PPP3CA: variants seen among roughly 807,000 people sequenced by gnomAD.
PPP3CA encodes the protein CAM-PRP catalytic subunit.
PPP3CA carries 14 observed loss-of-function variants against 66.5 expected under a neutral mutation model. The ratio of observed to expected loss-of-function variants is 0.21; its 90% CI spans 0.14 to 0.33. The LOEUF is 0.33. Ranked by LOEUF, PPP3CA falls within the 10% of genes least tolerant of loss-of-function variation. The pLI, the probability that PPP3CA is intolerant of heterozygous loss-of-function variation, is 1.00. For missense variants in PPP3CA, 317 were observed against 639.5 expected (o/e 0.50, Z 5.44); for synonymous variants, 232 against 226.2 (o/e 1.03, Z -0.23).
At chr4:101,106,377 G>GA (rs781026862) in intron 3 of PPP3CA, among the ~76,000 whole-genome samples, 15 of 2,210 alleles carry the variant, frequency 6.8e-3, no homozygotes, top group South Asian at 0.019. Context: ...AGAGAGAAAA[G>GA]AAAGAAAGAA....
chr4:101,233,114 TA>T (rs1182769450), intron 1 of PPP3CA, among the ~76,000 whole-genome samples: 1 of 151,758 alleles, frequency 6.6e-6, no homozygotes, highest in Admixed American at 6.6e-5. Context: ...ACCTAAAGTA[TA>T]AAACAAATTA....
At chr4:101,320,794 G>A (rs1016251931) in intron 1 of PPP3CA, among the ~76,000 whole-genome samples, 4 of 152,050 alleles carry the variant, frequency 2.6e-5, no homozygotes, top group Admixed American at 1.3e-4. Flanking sequence ...CATATGATCC[G>A]TTCAGAATCT....
chr4:101,297,147 G>A (rs1009657754), intron 1 of PPP3CA, among the ~76,000 whole-genome samples: 1 of 151,998 alleles, frequency 6.6e-6, no homozygotes, highest in South Asian at 2.1e-4. Context: ...ATTTATAATC[G>A]TCTTTTCTTT....
At chr4:101,156,949 A>G (rs1316186015) in intron 2 of PPP3CA, among the ~76,000 whole-genome samples, 3 of 152,200 alleles carry the variant, frequency 2.0e-5, no homozygotes, top group Admixed American at 2.0e-4. Context: ...AGAGAAAGAG[A>G]CAAACTACAG....
intron 8 of PPP3CA, among the ~76,000 whole-genome samples, chr4:101,069,225 T>G (rs975038652): frequency 3.3e-5 from 5 of 152,114 alleles, no homozygotes; most frequent in African/African-American, 9.7e-5. Flanking sequence ...TCAGCCAATC[T>G]GAAATATTTT....
At chr4:101,031,330 A>ATGT (rs1235893128) in intron 12 of PPP3CA, among the ~76,000 whole-genome samples, 1 of 152,200 alleles carries the variant, frequency 6.6e-6, no homozygotes, top group African/African-American at 2.4e-5. Context: ...GTTTTGAAAA[A>ATGT]TGTTATAGCA....
intron 2 of PPP3CA, among the ~76,000 whole-genome samples, chr4:101,139,347 C>CA (rs56658441): frequency 0.013 from 1,274 of 96,474 alleles, 25 homozygotes; most frequent in African/African-American, 0.029. Context: ...GACTCCGTCT[C>CA]AAAAAAAAAA....
At chr4:101,048,989 A>C (rs1727895415) in intron 10 of PPP3CA, among the ~76,000 whole-genome samples, 1 of 152,152 alleles carries the variant, frequency 6.6e-6, no homozygotes, top group African/African-American at 2.4e-5. Context: ...AAGGAAGGCC[A>C]GAAGAGCCTA....
intron 3 of PPP3CA, among the ~76,000 whole-genome samples, chr4:101,102,573 A>G (rs961206549): frequency 8.5e-5 from 13 of 152,140 alleles, no homozygotes; most frequent in Admixed American, 5.9e-4. Context: ...TTCTCCCTCA[A>G]CATCTGGTGG....
chr4:101,253,176 T>C (rs1340910191), intron 1 of PPP3CA, among the ~76,000 whole-genome samples: 4 of 152,220 alleles, frequency 2.6e-5, no homozygotes, highest in Non-Finnish European at 4.4e-5. Context: ...GTTTATTTAA[T>C]GAAGTTATTC....
At chr4:101,212,101 T>C (rs1725315873) in intron 1 of PPP3CA, among the ~76,000 whole-genome samples, 1 of 152,192 alleles carries the variant, frequency 6.6e-6, no homozygotes, top group African/African-American at 2.4e-5. Context: ...TAATTATTTG[T>C]CATTATTCTA....
chr4:101,079,280 G>C (rs1419808086), intron 8 of PPP3CA, among the ~76,000 whole-genome samples: 1 of 152,136 alleles, frequency 6.6e-6, no homozygotes, highest in Non-Finnish European at 1.5e-5. Flanking sequence ...GGAGTTTTCA[G>C]ACTGGTGCAG....
In PPP3CA at chr4:101,251,978, G is replaced by A. The variant is rs142887782; in HGVS notation, c.59-55862C>T. 4.4e-3 allele frequency among the ~76,000 whole-genome samples: 675 copies of A among 152,244 alleles called. 4 individuals carry two copies. The highest frequency in any genetic ancestry group is 0.015 in the African/African-American group (639 of 41,548). On this transcript the variant is annotated intron_variant, in intron 1 of 13. Coordinates refer to ENST00000394854, the MANE Select transcript of PPP3CA (RefSeq NM_000944.5). ...TTTAAACTGAGGACCAGATCCCCCT[G>A]CAAGAGAGGATTTGTTTCAGAAAGG... is the stretch of plus-strand genomic sequence containing the variant.
intron 10 of PPP3CA, among the ~76,000 whole-genome samples, chr4:101,042,072 T>C (rs1326772963): frequency 6.6e-6 from 1 of 152,118 alleles, no homozygotes; most frequent in Non-Finnish European, 1.5e-5. Context: ...CCATTTCTAA[T>C]CTATTTGATT....
intron 1 of PPP3CA, among the ~76,000 whole-genome samples, chr4:101,330,699 A>T (rs996691159): frequency 6.6e-6 from 1 of 152,140 alleles, no homozygotes; most frequent in Non-Finnish European, 1.5e-5. Context: ...GCCTGTATAA[A>T]GCCACAATAT....
At chr4:101,328,832 C>T (rs1036705813) in intron 1 of PPP3CA, among the ~76,000 whole-genome samples, 3 of 151,984 alleles carry the variant, frequency 2.0e-5, no homozygotes, top group Admixed American at 6.6e-5. Flanking sequence ...TTTAAAGCAC[C>T]TCATGTCACA....
At chr4:101,080,837 AT>A (rs995703841) in intron 7 of PPP3CA, among the ~76,000 whole-genome samples, 4 of 152,158 alleles carry the variant, frequency 2.6e-5, no homozygotes, top group Non-Finnish European at 2.9e-5. Context: ...ATACATTCAT[AT>A]GTAAAATTTC....
At chr4:101,075,852 G>T (rs1012996123) in intron 8 of PPP3CA, among the ~76,000 whole-genome samples, 2 of 152,002 alleles carry the variant, frequency 1.3e-5, no homozygotes, top group African/African-American at 4.8e-5. Flanking sequence ...AATCATTGGT[G>T]GAATTATTTA....
At chr4:101,295,430 A>C (rs1728173484) in intron 1 of PPP3CA, among the ~76,000 whole-genome samples, 1 of 152,160 alleles carries the variant, frequency 6.6e-6, no homozygotes, top group Admixed American at 6.5e-5. Flanking sequence ...TATTTTGTAC[A>C]TAAAGCTTAC....
Sources: allele counts gnomAD v4.1 joint callset (sites outside exome capture counted in the v4.1 genomes callset), GRCh38; gene constraint gnomAD v4.1.1; transcripts MANE v1.5; gene names NCBI Gene and HGNC (gene_info 2026-07-23, HGNC 2026-07-21).